FBXL7: variants seen among roughly 807,000 people sequenced by gnomAD.
FBXL7 encodes F-box/LRR-repeat protein 7.
FBXL7 carries 12 observed loss-of-function variants against 38.3 expected under a neutral mutation model. The observed-to-expected ratio is 0.31, with a 90% CI of 0.20 to 0.51. The LOEUF (loss-of-function observed/expected upper bound fraction) is 0.51, where lower values mean the gene tolerates loss of function less well. FBXL7 is among the 20% of genes least tolerant of loss of function. The pLI is 0.98. For missense variants in FBXL7, 567 were observed against 676.4 expected (o/e 0.84, Z 1.79); for synonymous variants, 297 against 300.9 (o/e 0.99, Z 0.13).
rs1007782980 is a variant in FBXL7 at position 15,938,968 on chromosome 5, G to A, written c.*1782G>A. ...TCAAAATGCCCATTATCCAAATGCAGAACCTCTGCATCTCCAAGCCAGTTA... is the reference window on the plus strand; with the variant it reads ...TCAAAATGCCCATTATCCAAATGCAAAACCTCTGCATCTCCAAGCCAGTTA... On this transcript the variant is annotated 3_prime_UTR_variant, in exon 4 of 4. Coordinates refer to ENST00000504595, the MANE Select transcript of FBXL7 (RefSeq NM_012304.5). 1.3e-5 allele frequency: 5 copies of A among 398,924 alleles called. No homozygotes were observed. The highest frequency in any genetic ancestry group is 2.2e-5 in the Non-Finnish European group (5 of 226,080). The allele number at this position is 398,924 out of a possible 1,614,324, so 24.7% of individuals were successfully genotyped here. A position where few individuals can be genotyped will look rare whatever the true frequency, so the allele number is the denominator to read the frequency against.
intron 2 of FBXL7, among the ~76,000 whole-genome samples, chr5:15,830,737 T>A (rs1352082223): frequency 6.6e-6 from 1 of 152,156 alleles, no homozygotes; most frequent in Non-Finnish European, 1.5e-5. Context: ...TTATGTTTAT[T>A]AGTCACATGT....
intron 1 of FBXL7, among the ~76,000 whole-genome samples, chr5:15,552,194 A>C (rs1738095145): frequency 6.6e-6 from 1 of 152,168 alleles, no homozygotes; most frequent in Non-Finnish European, 1.5e-5. Context: ...GTTTAATTTC[A>C]TCATTTATCA....
chr5:15,899,317 C>A (rs913914510), intron 2 of FBXL7, among the ~76,000 whole-genome samples: 1 of 152,192 alleles, frequency 6.6e-6, no homozygotes, highest in Non-Finnish European at 1.5e-5. Context: ...CCGCCTGCCT[C>A]GGCCTCCCAA....
intron 2 of FBXL7, among the ~76,000 whole-genome samples, chr5:15,763,119 C>A (rs182007090): frequency 1.3e-5 from 2 of 152,274 alleles, no homozygotes; most frequent in Admixed American, 1.3e-4. Context: ...TTCTTGTGGA[C>A]TTAAAATGGA....
intron 2 of FBXL7, among the ~76,000 whole-genome samples, chr5:15,895,806 G>C (rs1741084363): frequency 6.6e-6 from 1 of 151,136 alleles, no homozygotes. Context: ...ACCACGCCTG[G>C]CTAATTTTTT....
intron 1 of FBXL7, among the ~76,000 whole-genome samples, chr5:15,527,787 G>C (rs1369337677): frequency 6.6e-6 from 1 of 152,154 alleles, no homozygotes; most frequent in African/African-American, 2.4e-5. Context: ...TAGGTCATCT[G>C]TACAACCTCT....
chr5:15,711,035 A>C lies in FBXL7; in HGVS notation c.127+94963A>C, dbSNP rs553923403. Among the ~76,000 whole-genome samples the C allele has an allele frequency of 2.0e-5, 3 of 152,298 alleles. No individual in the cohort carries two copies. In the South Asian group the frequency reaches 6.2e-4, roughly 32 times the overall value. ...AAGTTTCACGAGATCTGACGGTTCT[A>C]AAAAAACAGGAGTTTTCCTGCACAA... is the stretch of plus-strand genomic sequence containing the variant. On this transcript the variant is annotated intron_variant, in intron 2 of 3. Transcript: ENST00000504595.
At chr5:15,640,415 T>C (rs1741322302) in intron 2 of FBXL7, among the ~76,000 whole-genome samples, 1 of 152,184 alleles carries the variant, frequency 6.6e-6, no homozygotes, top group Admixed American at 6.5e-5. Flanking sequence ...AGTTATAGAA[T>C]TGAGGGTCCA....
intron 1 of FBXL7, among the ~76,000 whole-genome samples, chr5:15,518,904 C>T (rs552665533): frequency 1.3e-5 from 2 of 152,200 alleles, no homozygotes; most frequent in African/African-American, 2.4e-5. Flanking sequence ...TATGTGTCAG[C>T]GCTTGTTTGG....
chr5:15,828,778 A>G (rs930733020), intron 2 of FBXL7, among the ~76,000 whole-genome samples: 1 of 152,244 alleles, frequency 6.6e-6, no homozygotes, highest in Non-Finnish European at 1.5e-5. Context: ...AGAATTTGGT[A>G]GAAATCTTAG....
At chr5:15,608,929 A>G (rs1446355378) in intron 1 of FBXL7, among the ~76,000 whole-genome samples, 4 of 152,194 alleles carry the variant, frequency 2.6e-5, no homozygotes, top group African/African-American at 7.2e-5. Flanking sequence ...CCATTTACAG[A>G]AGGTGAAAGG....
chr5:15,858,963 A>G (rs1387330192), intron 2 of FBXL7, among the ~76,000 whole-genome samples: 2 of 152,200 alleles, frequency 1.3e-5, no homozygotes, highest in East Asian at 1.9e-4. Context: ...GTATTTTTAT[A>G]TCTGATATCC....
intron 2 of FBXL7, among the ~76,000 whole-genome samples, chr5:15,686,486 T>C (rs1743020289): frequency 1.3e-5 from 2 of 152,302 alleles, no homozygotes; most frequent in South Asian, 4.1e-4. Flanking sequence ...CCCCATCTTG[T>C]TTGGAAACCC....
chr5:15,895,293 C>G (rs1015639706), intron 2 of FBXL7, among the ~76,000 whole-genome samples: 3 of 151,986 alleles, frequency 2.0e-5, no homozygotes, highest in African/African-American at 7.2e-5. Flanking sequence ...GAATTTTTAG[C>G]ATTGTGCATG....
intron 2 of FBXL7, among the ~76,000 whole-genome samples, chr5:15,866,214 C>T (rs1432052758): frequency 6.6e-6 from 1 of 152,282 alleles, no homozygotes; most frequent in Admixed American, 6.5e-5. Context: ...ATTATGGCTG[C>T]AGTTCTACAT....
chr5:15,881,174 C>G (rs534835090), intron 2 of FBXL7, among the ~76,000 whole-genome samples: 2 of 152,134 alleles, frequency 1.3e-5, no homozygotes, highest in East Asian at 3.9e-4. Flanking sequence ...TTATCCCTCA[C>G]CACCCCCTAC....
chr5:15,546,167 C>T (rs181821575), intron 1 of FBXL7, among the ~76,000 whole-genome samples: 4 of 152,320 alleles, frequency 2.6e-5, no homozygotes, highest in Admixed American at 1.3e-4. Context: ...CAGTGACTCA[C>T]GCCTGTAATC....
chr5:15,585,777 TA>T (rs1361279839), intron 1 of FBXL7, among the ~76,000 whole-genome samples: 1 of 152,226 alleles, frequency 6.6e-6, no homozygotes, highest in Non-Finnish European at 1.5e-5. Flanking sequence ...TCATATTAAA[TA>T]TTTTTTCAGA....
chr5:15,728,479 G>A (rs1002242401), intron 2 of FBXL7, among the ~76,000 whole-genome samples: 2 of 152,090 alleles, frequency 1.3e-5, no homozygotes, highest in African/African-American at 4.8e-5. Context: ...CTCTAAGTCT[G>A]TTCTCACAAA....
Sources: gnomAD v4.1 joint callset for allele counts (sites outside exome capture counted in the v4.1 genomes callset) on GRCh38, gnomAD v4.1.1 for gene constraint, MANE v1.5 for transcripts, NCBI Gene and HGNC (gene_info 2026-07-23, HGNC 2026-07-21) for gene names.